FAM161B: variants seen among roughly 807,000 people sequenced by gnomAD.
The protein encoded by FAM161B is FAM161 centrosomal protein B.
Under a neutral mutation model 61.5 loss-of-function variants are expected in FAM161B, and 46 were observed. The observed-to-expected ratio is 0.75, with a 90% CI of 0.59 to 0.96. FAM161B has a LOEUF of 0.96. Among genes scored for constraint, FAM161B ranks in the 40% least tolerant of loss-of-function variants. The pLI, the probability that FAM161B is intolerant of heterozygous loss-of-function variation, is 0.00. For synonymous variants in FAM161B, 284 were observed against 302.7 expected (o/e 0.94, Z 0.64); for missense variants, 774 against 800.7 (o/e 0.97, Z 0.40).
Position 73,946,604 on chromosome 14 carries a change from A to T in FAM161B, c.56T>A (p.Ile19Lys). The change falls in exon 2 of 9, where the codon ATA (isoleucine) becomes AAA (lysine). Residue 19 changes from isoleucine (I) to lysine (K), a missense_variant and splice_region_variant. Transcript: ENST00000286544. ...GTCTGCGAAGGACTCGGGGGGAAAT[A>T]TCTAAAATAGAATAGAAATAGGCTG... Reference protein sequence around the residue: ...APGGAEGSRQIFPPESFADTE... With the variant: ...APGGAEGSRQKFPPESFADTE... The T allele has an allele frequency of 6.2e-7, 1 of 1,611,364 alleles. No individual in the cohort carries two copies. Among genetic ancestry groups the T allele is most frequent in the Non-Finnish European group, 8.5e-7 (1 of 1,178,048 alleles).
At chr14:73,932,018 G>C (rs1234539540), downstream of FAM161B, 1 of 456,468 alleles carries the variant, frequency 2.2e-6, no homozygotes, top group Non-Finnish European at 4.4e-6. Context: ...CAATTCTCTT[G>C]TTACATTCTC....
Position 73,932,377 on chromosome 14 carries a change from A to C in FAM161B, c.*1879T>G. 7.0e-6 allele frequency: 3 copies of C among 427,712 alleles called. No homozygotes were observed. Among genetic ancestry groups the C allele is most frequent in the South Asian group, 5.1e-5 (3 of 58,926 alleles). 26.5% of individuals were successfully genotyped at this position (427,712 alleles called of 1,614,324 possible). On this transcript the variant is annotated 3_prime_UTR_variant, in exon 9 of 9. Coordinates refer to ENST00000286544, the MANE Select transcript of FAM161B (RefSeq NM_152445.3). ...TGTATTGATTTACCCTTAGGATTCC[A>C]TACCAGTAAAACTGAACCGAGGAGT...
chr14:73,948,463 A>G (rs1409083340), intron 1 of FAM161B, among the ~76,000 whole-genome samples: 1 of 152,118 alleles, frequency 6.6e-6, no homozygotes, highest in Non-Finnish European at 1.5e-5. Context: ...TTGAATTGAC[A>G]CTTGATTGAT....
At chr14:73,948,959 G>A (rs369452602) in intron 1 of FAM161B, among the ~76,000 whole-genome samples, 5 of 151,308 alleles carry the variant, frequency 3.3e-5, no homozygotes, top group East Asian at 3.9e-4. Flanking sequence ...TCGCTCTGTC[G>A]CCAGGCTAGA....
chr14:73,923,302 G>C, the FAM161B span: 1 of 1,371,874 alleles, frequency 7.3e-7, no homozygotes. Flanking sequence ...TAGAGGAATA[G>C]AGTTTTAGAG....
chr14:73,945,892 C>T (rs780207118), intron 2 of FAM161B, among the ~76,000 whole-genome samples: 5 of 151,776 alleles, frequency 3.3e-5, no homozygotes, highest in Middle Eastern at 3.4e-3. Context: ...CGGGCACACG[C>T]CACCATGACT....
chr14:73,944,444 A>G lies in FAM161B; in HGVS notation c.816T>C (p.Ala272=). The change falls in exon 3 of 9, where the codon GCT becomes GCC. Residue 272 remains alanine, a synonymous_variant. Transcript: ENST00000286544. ...LEKEEQLKEA[A]RQRDLAATAE... is the part of the protein sequence containing the mutation. The stretch of plus-strand genomic sequence containing the variant: ...CTGTGGCTGCCAAGTCTCTCTGTCG[A>G]GCAGCTTCCTTTAGCTGCTCCTCCT... 1.2e-6 allele frequency: 2 copies of G among 1,613,588 alleles called. No individual in the cohort carries two copies. The highest frequency in any genetic ancestry group is 1.1e-5 in the South Asian group (1 of 91,074).
downstream of FAM161B, chr14:73,931,561 G>C (rs546122075): frequency 6.2e-7 from 1 of 1,609,914 alleles, no homozygotes; most frequent in African/African-American, 1.3e-5. Context: ...CTGACTCCTG[G>C]AAGAGCAACT....
rs2140339764 is a variant in FAM161B at position 73,933,199 on chromosome 14, G to C, written c.*1057C>G. The C allele has an allele frequency of 1.3e-5, 2 of 152,296 alleles. No homozygotes were observed. The highest frequency in any genetic ancestry group is 4.8e-5 in the African/African-American group (2 of 41,550). 9.4% of individuals were successfully genotyped at this position (152,296 alleles called of 1,614,324 possible). On this transcript the variant is annotated 3_prime_UTR_variant, in exon 9 of 9. Transcript: ENST00000286544. Reference sequence around the variant, plus strand: ...TTGCTTCATGCAGCCATTTATATTAGAGCAGTGGTTCTCAGCCAGGCACAT... The same window carrying C: ...TTGCTTCATGCAGCCATTTATATTACAGCAGTGGTTCTCAGCCAGGCACAT...
rs368482998 is a variant in FAM161B at position 73,944,902 on chromosome 14, T to C, written c.375-17A>G. The C allele has an allele frequency of 1.1e-4, 163 of 1,501,202 alleles. No homozygotes were observed. The highest frequency in any genetic ancestry group is 1.3e-4 in the Non-Finnish European group (150 of 1,128,856). 93.0% of individuals were successfully genotyped at this position (1,501,202 alleles called of 1,614,324 possible). A position where few individuals can be genotyped will look rare whatever the true frequency, so the allele number is the denominator to read the frequency against. ...GAGCCACACCTGGGAAAAAAGCAGA[T>C]CTGTGAGTGGAGGACAGGGCAGTCA... On this transcript the variant is annotated splice_polypyrimidine_tract_variant and intron_variant, in intron 2 of 8. Transcript: ENST00000286544.
In FAM161B at chr14:73,942,396, A is replaced by T; in HGVS notation, c.1245T>A (p.Cys415Ter). Residue 415 changes from cysteine to a stop codon, truncating the protein, a stop_gained, in exon 4 of 9, where the codon TGT (cysteine) becomes TGA (stop). Coordinates refer to ENST00000286544, the MANE Select transcript of FAM161B (RefSeq NM_152445.3). LOFTEE classifies it high-confidence loss of function. Reference sequence around the variant, plus strand: ...GCCTCCTTCCGGTGGTGGCAGCATCACAGGGCCGCTGAGGGTGGCGCAGGT... The same window carrying T: ...GCCTCCTTCCGGTGGTGGCAGCATCTCAGGGCCGCTGAGGGTGGCGCAGGT... ...TANLRHPQRP[C>*]DAATTGRRQD... is the part of the protein sequence containing the mutation. 1.2e-6 allele frequency: 2 copies of T among 1,614,098 alleles called. No individual in the cohort carries two copies. Among genetic ancestry groups the T allele is most frequent in the Non-Finnish European group, 1.7e-6 (2 of 1,180,020 alleles).
At chr14:73,939,952 C>T (rs902592871) in intron 5 of FAM161B, among the ~76,000 whole-genome samples, 12 of 152,274 alleles carry the variant, frequency 7.9e-5, no homozygotes, top group South Asian at 4.2e-4. Context: ...GTTCTTGGGC[C>T]CTCAGGATAC....
At chr14:73,939,747 AC>A (rs1333833253) in intron 5 of FAM161B, among the ~76,000 whole-genome samples, 8 of 152,272 alleles carry the variant, frequency 5.3e-5, no homozygotes, top group Non-Finnish European at 1.2e-4. Context: ...TCAGTTATCT[AC>A]AAAGTAATAT....
chr14:73,932,709 T>C lies in FAM161B; in HGVS notation c.*1547A>G. 3.0e-6 allele frequency: 1 copy of C among 332,824 alleles called. No homozygotes were observed. 20.6% of individuals were successfully genotyped at this position (332,824 alleles called of 1,614,324 possible). On this transcript the variant is annotated 3_prime_UTR_variant, in exon 9 of 9. Transcript: ENST00000286544. ...GTGTAATCATAGCTCAATGTAACCT[T>C]GAACTCCTACGCTCAAGGCATCCTC...
chr14:73,929,579 C>T (rs1233045211), downstream of FAM161B, among the ~76,000 whole-genome samples: 3 of 151,918 alleles, frequency 2.0e-5, no homozygotes, highest in Non-Finnish European at 4.4e-5. Flanking sequence ...AGGCTGGGTG[C>T]GGTGGCTAGC....
At chr14:73,927,617 A>C (rs563236632), downstream of FAM161B, among the ~76,000 whole-genome samples, 122 of 152,294 alleles carry the variant, frequency 8.0e-4, no homozygotes, top group Non-Finnish European at 1.5e-3. Flanking sequence ...TGCCAGATGT[A>C]TGAAAATTTA....
chr14:73,926,800 G>A (rs996395093), downstream of FAM161B, among the ~76,000 whole-genome samples: 10 of 152,106 alleles, frequency 6.6e-5, no homozygotes. Flanking sequence ...GACTCCTTTT[G>A]TTAATATTAA....
chr14:73,934,270 C>G lies in FAM161B; in HGVS notation c.1930G>C (p.Val644Leu), dbSNP rs369764532. 208 of 1,611,078 alleles carry G rather than the reference C, an allele frequency of 1.3e-4. No homozygotes were observed. Among genetic ancestry groups the G allele is most frequent in the Non-Finnish European group, 1.6e-4 (190 of 1,179,450 alleles). ...AAGTGTAGTGATTAAGCAAGTGATA[C>G]GAGATTTTCTGGTGACTGATGAGAC... ...ELSHQSPENLVSLA is the reference protein window; with the variant it reads ...ELSHQSPENLLSLA The change falls in exon 9 of 9, where the codon GTA becomes CTA. Residue 644 changes from valine (V) to leucine (L), a missense_variant. Transcript: ENST00000286544.
At chr14:73,927,012 T>A (rs916612150), downstream of FAM161B, 2 of 153,796 alleles carry the variant, frequency 1.3e-5, no homozygotes, top group Non-Finnish European at 2.9e-5. Flanking sequence ...TTACTGATCA[T>A]AGCCTAGATC....
Sources: gnomAD v4.1 joint callset for allele counts (sites outside exome capture counted in the v4.1 genomes callset) on GRCh38, gnomAD v4.1.1 for gene constraint, MANE v1.5 for transcripts, NCBI Gene and HGNC (gene_info 2026-07-23, HGNC 2026-07-21) for gene names.